Variants in FAT1 observed in about 807,000 individuals in gnomAD.
The protein encoded by FAT1 is protocadherin Fat 1.
Under a neutral mutation model 329.8 loss-of-function variants are expected in FAT1, and 171 were observed. The ratio of observed to expected loss-of-function variants is 0.52; its 90% CI spans 0.46 to 0.59. The LOEUF (loss-of-function observed/expected upper bound fraction) is 0.59, where lower values mean the gene tolerates loss of function less well. Among genes scored for constraint, FAT1 ranks in the 20% least tolerant of loss-of-function variants. The pLI, the probability that FAT1 is intolerant of heterozygous loss-of-function variation, is 0.00. For missense variants in FAT1, 5,672 were observed against 5,774.4 expected, an observed-to-expected ratio of 0.98 and a Z score of 0.57; for synonymous variants, 2,233 against 2,228.6, an observed-to-expected ratio of 1.00 and a Z score of -0.06.
intron 3 of FAT1, among the ~76,000 whole-genome samples, chr4:186,662,521 A>G (rs1448251123): frequency 1.3e-5 from 2 of 152,196 alleles, no homozygotes; most frequent in African/African-American, 4.8e-5. Context: ...ACCACTTCCA[A>G]TCTGAAAACT....
intron 2 of FAT1, among the ~76,000 whole-genome samples, chr4:186,669,283 G>C (rs77894214): frequency 6.6e-6 from 1 of 152,158 alleles, no homozygotes; most frequent in East Asian, 1.9e-4. Context: ...CAACAGAGCC[G>C]TGAGAGGGGT....
rs184572711 is a variant in FAT1 at position 186,589,430 on chromosome 4, A to G, written c.13139-210T>C. Among the ~76,000 whole-genome samples the G allele has an allele frequency of 1.1e-4, 17 of 152,302 alleles. No homozygotes were observed. In the East Asian group the frequency reaches 2.9e-3, roughly 26 times the overall value. On this transcript the variant is annotated intron_variant, in intron 26 of 26. Transcript: ENST00000441802. Reference sequence around the variant, plus strand: ...CCTATGAACTAGGCTCTAGTTCTAAAATGTGGACTTACAGTTTTATGTACG... The same window carrying G: ...CCTATGAACTAGGCTCTAGTTCTAAGATGTGGACTTACAGTTTTATGTACG...
chr4:186,622,213 C>T (rs74676126), intron 9 of FAT1, among the ~76,000 whole-genome samples: 6,560 of 152,280 alleles, frequency 0.043, 317 homozygotes, highest in East Asian at 0.18. Context: ...CGAAAGATTT[C>T]GATTCAGTAA....
intron 2 of FAT1, among the ~76,000 whole-genome samples, chr4:186,664,191 C>T (rs995658652): frequency 6.6e-6 from 1 of 152,140 alleles, no homozygotes; most frequent in Admixed American, 6.5e-5. Flanking sequence ...ACACACACCC[C>T]TTCTCACAGT....
In FAT1 at chr4:186,693,616, C is replaced by T. The variant is rs900457853; in HGVS notation, c.3265+12947G>A. Among the ~76,000 whole-genome samples, 19 of 105,558 alleles carry T rather than the reference C, an allele frequency of 1.8e-4. 1 individual carries two copies. Among genetic ancestry groups the T allele is most frequent in the African/African-American group, 7.6e-4 (18 of 23,604 alleles). The allele number at this position is 105,558 out of a possible 152,430, so 69.3% of individuals were successfully genotyped here. A position where few individuals can be genotyped will look rare whatever the true frequency, so the allele number is the denominator to read the frequency against. ...GCAACTGATCAAACATGAGTCAGCCCGTGGAAAACAGCCAAGGAAACACCC... is the reference window on the plus strand; with the variant it reads ...GCAACTGATCAAACATGAGTCAGCCTGTGGAAAACAGCCAAGGAAACACCC... On this transcript the variant is annotated intron_variant, in intron 2 of 26. Transcript: ENST00000441802.
At chr4:186,601,684 A>G (rs553456112) in intron 20 of FAT1, 12 of 311,622 alleles carry the variant, frequency 3.9e-5, no homozygotes, top group African/African-American at 2.5e-4. Context: ...AAATATAAAA[A>G]TGTTCAGTAT....
intron 22 of FAT1, among the ~76,000 whole-genome samples, chr4:186,599,156 C>T (rs1273766263): frequency 6.6e-6 from 1 of 152,186 alleles, no homozygotes; most frequent in Non-Finnish European, 1.5e-5. Flanking sequence ...AATATGAGCA[C>T]AGTATAAATG....
At position 186,599,523 on chromosome 4, in the gene FAT1, G is replaced by A. The variant is rs191800391; in HGVS notation, c.12103+375C>T. On this transcript the variant is annotated intron_variant, in intron 22 of 26. Coordinates refer to ENST00000441802, the MANE Select transcript of FAT1 (RefSeq NM_005245.4). ...AGCAAGAATCTAGCAGGCCCCCTAC[G>A]CTGAGCCATTAGATAAAAGGTGATA... 4.6e-3 allele frequency among the ~76,000 whole-genome samples: 697 copies of A among 152,200 alleles called. 3 individuals are homozygous for A. Among genetic ancestry groups the A allele is most frequent in the African/African-American group, 0.016 (655 of 41,534 alleles).
At chr4:186,645,966 TATACACACACACAC>T (rs1741361018) in intron 3 of FAT1, among the ~76,000 whole-genome samples, 2 of 80,528 alleles carry the variant, frequency 2.5e-5, no homozygotes, top group African/African-American at 1.1e-4. Flanking sequence ...AAAAAAAATA[TATACACACACACAC>T]ACACACACAC....
chr4:186,596,793 C>A lies in FAT1; in HGVS notation c.12747G>T (p.Val4249=), dbSNP rs752393398. ...KNIYSDIPPQ[V]PVRPISYTPS... ...GGGTGTAGGAAATAGGCCGGACAGGCACCTGGGGTGGTATGTCTGAGTAAA... is the reference window on the plus strand; with the variant it reads ...GGGTGTAGGAAATAGGCCGGACAGGAACCTGGGGTGGTATGTCTGAGTAAA... The change falls in exon 25 of 27, where the codon GTG becomes GTT. Residue 4249 remains valine (V), a synonymous_variant. Coordinates refer to ENST00000441802, the MANE Select transcript of FAT1 (RefSeq NM_005245.4). This position sits in a 1 kb window ranked among gnomAD's most constrained non-coding sequence, Gnocchi z 4.7. 3 of 1,614,000 alleles carry A rather than the reference C, an allele frequency of 1.9e-6. No individual in the cohort carries two copies. The highest frequency in any genetic ancestry group is 2.5e-6 in the Non-Finnish European group (3 of 1,179,896).
chr4:186,710,022 T>C (rs1744882865), intron 1 of FAT1, among the ~76,000 whole-genome samples, 177 bp from the exon 2 acceptor site: 2 of 152,242 alleles, frequency 1.3e-5, no homozygotes, highest in South Asian at 4.1e-4. Context: ...TCTTGTAACA[T>C]GTCTAGAATT....
chr4:186,656,351 A>G (rs1297929575), intron 3 of FAT1, among the ~76,000 whole-genome samples: 5 of 152,234 alleles, frequency 3.3e-5, no homozygotes, highest in African/African-American at 1.2e-4. Flanking sequence ...ATGAGGGCCC[A>G]GATGCCACAG....
intron 2 of FAT1, among the ~76,000 whole-genome samples, chr4:186,685,745 G>A (rs944755211): frequency 1.3e-5 from 2 of 152,158 alleles, no homozygotes; most frequent in African/African-American, 4.8e-5. Context: ...TAAGAGACTC[G>A]TATTCCCTTC....
At chr4:186,726,636 C>G (rs931617052), upstream of FAT1, 2 of 152,298 alleles carry the variant, frequency 1.3e-5, no homozygotes, top group Non-Finnish European at 2.9e-5. Context: ...TTTGTCAGGA[C>G]GTGCCCAGGC....
intron 3 of FAT1, among the ~76,000 whole-genome samples, chr4:186,651,606 C>T (rs942718653): frequency 4.6e-5 from 7 of 152,188 alleles, no homozygotes; most frequent in Non-Finnish European, 1.0e-4. Flanking sequence ...CACTGGATCC[C>T]CCCGAAACAC....
At chr4:186,645,395 AT>A (rs760516075) in intron 3 of FAT1, among the ~76,000 whole-genome samples, 3,430 of 107,316 alleles carry the variant, frequency 0.032, 256 homozygotes, top group Middle Eastern at 0.091. Context: ...ATATATATAT[AT>A]ATATATATAT....
rs377244312 is a variant in FAT1, at chr4:186,628,473, G to A, written c.4599+15C>T. The A allele has an allele frequency of 2.4e-5, 39 of 1,613,552 alleles. No homozygotes were observed. The highest frequency in any genetic ancestry group is 2.1e-4 in the African/African-American group (16 of 75,030). On this transcript the variant is annotated intron_variant, in intron 8 of 26. Coordinates refer to ENST00000441802, the MANE Select transcript of FAT1 (RefSeq NM_005245.4). ...CAGGACCAAATGGTGGGAGGAGAGC[G>A]GGTAGAGCGCCTACCATGACCGTGA...
At chr4:186,589,325 G>C (rs544261223) in intron 26 of FAT1, 105 bp from the exon 27 acceptor site, 2 of 1,249,970 alleles carry the variant, frequency 1.6e-6, no homozygotes, top group Middle Eastern at 5.1e-4. Context: ...CCGCATTTAT[G>C]CCTTCATTCA....
intron 1 of FAT1, among the ~76,000 whole-genome samples, chr4:186,718,129 G>A (rs327098): frequency 0.31 from 46,882 of 151,860 alleles, 8,607 homozygotes; most frequent in African/African-American, 0.51. Context: ...GACAGACCAG[G>A]AAAGTGAATG....
Sources: gnomAD v4.1 joint callset for allele counts (sites outside exome capture counted in the v4.1 genomes callset) on GRCh38, gnomAD v4.1.1 for gene constraint, Gnocchi (gnomAD v3.1) non-coding constraint, MANE v1.5 for transcripts, NCBI Gene and HGNC (gene_info 2026-07-23, HGNC 2026-07-21) for gene names.